MED12: variants seen among roughly 807,000 people sequenced by gnomAD.
The protein encoded by MED12 is mediator of RNA polymerase II transcription subunit 12.
In MED12, 10 loss-of-function variants were observed where a neutral mutation model predicts 177.7. That is an observed-to-expected ratio of 0.06 (90% CI 0.03 to 0.10). The LOEUF (loss-of-function observed/expected upper bound fraction) is 0.10, where lower values mean the gene tolerates loss of function less well. MED12 is among the 10% of genes least tolerant of loss of function. MED12 has a pLI of 1.00. For synonymous variants in MED12, 641 were observed against 678.4 expected (o/e 0.94, Z 0.86); for missense variants, 867 against 1,780.8 (o/e 0.49, Z 9.23).
intron 19 of MED12, 60 bp from the exon 20 acceptor site, chrX:71,126,909 G>A: frequency 8.8e-7 from 1 of 1,136,019 alleles, no homozygotes; most frequent in African/African-American, 1.8e-5. Flanking sequence ...CCACAGGAAG[G>A]TGGTTTCTAT....
intron 31 of MED12, 25 bp from the exon 32 acceptor site, chrX:71,132,820 C>CTTCTCTTCTCTTCTCTTCT: frequency 3.1e-6 from 3 of 972,833 alleles, no homozygotes; most frequent in Middle Eastern, 3.2e-4. Context: ...CTTCTCTTCT[C>CTTCTCTTCTCTTCTCTTCT]TTCTCTTCTT....
At chrX:71,127,193 G>GT in intron 20 of MED12, 61 bp downstream of exon 20, 1 of 1,160,859 alleles carries the variant, frequency 8.6e-7, no homozygotes, top group Non-Finnish European at 1.2e-6. Flanking sequence ...GAAGTGGCCT[G>GT]GGAAGAGCAT....
intron 19 of MED12, 151 bp downstream of exon 19, chrX:71,126,635 C>A: frequency 1.3e-6 from 1 of 752,164 alleles, no homozygotes; most frequent in Non-Finnish European, 2.0e-6. Context: ...GGAACATGAG[C>A]TAAGACTGCA....
chrX:71,141,792 A>G, intron 43 of MED12, 91 bp from the exon 44 acceptor site: 1 of 801,518 alleles, frequency 1.2e-6, no homozygotes, highest in South Asian at 2.2e-5. Context: ...ACAGAGCGAG[A>G]CTCCATCTCA....
chrX:71,132,366 C>T lies in MED12; in HGVS notation c.4254-11C>T. On this transcript the variant is annotated splice_polypyrimidine_tract_variant and intron_variant, in intron 30 of 44. Transcript: ENST00000374080. ...TCCCCTGTGACCCTGTGTCCTCTGTCTGTTCTCCAGCTCTCTAGAGCGCTC... is the reference window on the plus strand; with the variant it reads ...TCCCCTGTGACCCTGTGTCCTCTGTTTGTTCTCCAGCTCTCTAGAGCGCTC... 8.3e-7 allele frequency: 1 copy of T among 1,210,432 alleles called. No individual in the cohort carries two copies. The highest frequency in any genetic ancestry group is 1.1e-6 in the Non-Finnish European group (1 of 894,877).
chrX:71,135,720 A>G (rs2092330434), intron 36 of MED12, among the ~76,000 whole-genome samples: 1 of 111,455 alleles, frequency 9.0e-6, no homozygotes, highest in African/African-American at 3.3e-5. Context: ...TCATATATAC[A>G]TTCTCTTCAT....
rs767850812 is a variant in MED12, at chrX:71,136,582, C to T, written c.5327C>T (p.Pro1776Leu). 1 of 1,203,842 alleles carries T rather than the reference C, an allele frequency of 8.3e-7. No individual in the cohort carries two copies. The highest frequency in any genetic ancestry group is 1.8e-5 in the South Asian group (1 of 55,812). ...PPKTDKPGAA[P>L]PSTEERKKKS... ...AAAACTGACAAACCGGGGGCTGCTC[C>T]ACCCAGTACTGAGGAACGCAAGAAG... Residue 1776 changes from proline to leucine, a missense_variant, in exon 37 of 45, where the codon CCA (proline) becomes CTA (leucine). Pro to Leu is a moderately conservative substitution (Grantham distance 98, BLOSUM62 -3). This residue lies in a region of MED12 where 236 missense variants were observed against 345.2 expected (regional missense o/e 0.68). Coordinates refer to ENST00000374080, the MANE Select transcript of MED12 (RefSeq NM_005120.3).
intron 41 of MED12, among the ~76,000 whole-genome samples, chrX:71,139,854 G>A (rs937166512): frequency 2.8e-5 from 3 of 109,048 alleles, no homozygotes; most frequent in Admixed American, 9.8e-5. Flanking sequence ...AGCCGAGATC[G>A]CATCATTGCA....
In MED12 at chrX:71,124,179, G is replaced by A; in HGVS notation, c.1765G>A (p.Glu589Lys). The change falls in exon 13 of 45, where the codon GAG (glutamate) becomes AAG (lysine). Residue 589 changes from glutamate (E) to lysine (K), a missense_variant. Transcript: ENST00000374080. Reference sequence around the variant, plus strand: ...TCCAGCGGACCCTCGAAGTGAGAGTGAGCGGGTGGAATTCTTTAACTTAGT... The same window carrying A: ...TCCAGCGGACCCTCGAAGTGAGAGTAAGCGGGTGGAATTCTTTAACTTAGT... ...PMLTDPRSESERVEFFNLVLL... is the reference protein window; with the variant it reads ...PMLTDPRSESKRVEFFNLVLL... 8.3e-7 allele frequency: 1 copy of A among 1,210,589 alleles called. No individual in the cohort carries two copies. The highest frequency in any genetic ancestry group is 1.1e-6 in the Non-Finnish European group (1 of 894,522).
At chrX:71,132,249 T>A (rs1259106078) in intron 30 of MED12, 43 bp downstream of exon 30, 52 of 1,195,000 alleles carry the variant, frequency 4.4e-5, no homozygotes, top group Non-Finnish European at 5.8e-5. Flanking sequence ...TAGGAGTTTA[T>A]CTGCTGGTAG....
Position 71,134,863 on chromosome X carries a change from C to A in MED12, c.4863+15C>A. ...AGAAGTTGCAGGTAAGCAGAGGAAG[C>A]GGGGGCAAGGTTTGCGGTTACTGGA... is the stretch of plus-strand genomic sequence containing the variant. On this transcript the variant is annotated intron_variant, in intron 35 of 44. Coordinates refer to ENST00000374080, the MANE Select transcript of MED12 (RefSeq NM_005120.3). 1.7e-6 allele frequency: 2 copies of A among 1,210,730 alleles called. No homozygotes were observed. The highest frequency in any genetic ancestry group is 2.2e-6 in the Non-Finnish European group (2 of 895,237).
In MED12 at chrX:71,142,416, G is replaced by A; in HGVS notation, c.*198G>A. ...ATATTATTTATATAGAGACCCCAGAGCTGTTGCACCCAATACACAGAGCTT... is the reference window on the plus strand; with the variant it reads ...ATATTATTTATATAGAGACCCCAGAACTGTTGCACCCAATACACAGAGCTT... On this transcript the variant is annotated 3_prime_UTR_variant, in exon 45 of 45. Coordinates refer to ENST00000374080, the MANE Select transcript of MED12 (RefSeq NM_005120.3). 1 of 441,079 alleles carries A rather than the reference G, an allele frequency of 2.3e-6. No individual in the cohort carries two copies. The highest frequency in any genetic ancestry group is 3.9e-5 in the Admixed American group (1 of 25,870). The allele number at this position is 441,079 out of a possible 1,213,427, so 36.3% of individuals were successfully genotyped here.
Position 71,125,165 on chromosome X carries a change from T to C in MED12, c.2226+19T>C. On this transcript the variant is annotated intron_variant, in intron 15 of 44. Coordinates refer to ENST00000374080, the MANE Select transcript of MED12 (RefSeq NM_005120.3). ...CCCCCAGGTACTATTCCCCAGCACC[T>C]TGTGATGATCTGTTTTGAACCCAGA... is the stretch of plus-strand genomic sequence containing the variant. 1 of 1,209,060 alleles carries C rather than the reference T, an allele frequency of 8.3e-7. No individual in the cohort carries two copies. The highest frequency in any genetic ancestry group is 1.7e-5 in the African/African-American group (1 of 57,651).
In MED12 at chrX:71,132,919, A is replaced by T; in HGVS notation, c.4490A>T (p.Glu1497Val). Residue 1497 changes from glutamate to valine, a missense_variant, in exon 32 of 45, where the codon GAG (glutamate) becomes GTG (valine). Coordinates refer to ENST00000374080, the MANE Select transcript of MED12 (RefSeq NM_005120.3). ...TCLKGQDEQR[E>V]GLLTSLYSQV... The stretch of plus-strand genomic sequence containing the variant: ...CTGAAAGGGCAGGATGAACAACGCG[A>T]GGGACTCCTTACCTCCCTCTACAGC... The T allele has an allele frequency of 8.4e-7, 1 of 1,189,600 alleles. No individual in the cohort carries two copies.
At chrX:71,121,883 G>A in intron 7 of MED12, 67 bp downstream of exon 7, 1 of 1,188,474 alleles carries the variant, frequency 8.4e-7, no homozygotes, top group South Asian at 1.8e-5. Context: ...GCCCATCCCA[G>A]AGAATAGGGG....
At chrX:71,137,098 C>T (rs1208353676) in intron 38 of MED12, 69 bp downstream of exon 38, 15 of 1,187,112 alleles carry the variant, frequency 1.3e-5, no homozygotes, top group Non-Finnish European at 1.7e-5. Context: ...AGGATGATGC[C>T]ATTCCCCTGA....
chrX:71,126,146 A>G lies in MED12; in HGVS notation c.2533A>G (p.Thr845Ala). 3 of 1,202,615 alleles carry G rather than the reference A, an allele frequency of 2.5e-6. No individual in the cohort carries two copies. Among genetic ancestry groups the G allele is most frequent in the Non-Finnish European group, 3.4e-6 (3 of 886,949 alleles). The change falls in exon 18 of 45, where the codon ACG (threonine) becomes GCG (alanine). Residue 845 changes from threonine to alanine, a missense_variant. Transcript: ENST00000374080. The stretch of plus-strand genomic sequence containing the variant: ...TTCACATTATGACCAACACCAGGTC[A>G]CGGCTCAGGTGTGGGCCTAAGCCCA... ...HLSHYDQHQV[T>A]AQVSRNVLEQ...
In MED12 at chrX:71,126,391, A is replaced by T; in HGVS notation, c.2592A>T (p.Ser864=). ...EQITSFALGM[S]YHLPLVQHVQ... is the part of the protein sequence containing the mutation. The stretch of plus-strand genomic sequence containing the variant: ...TCACGAGCTTTGCCCTTGGCATGTC[A>T]TACCACTTGCCTCTGGTGCAGCATG... Residue 864 remains serine (S), a synonymous_variant, in exon 19 of 45, where the codon TCA becomes TCT. Transcript: ENST00000374080. The T allele has an allele frequency of 8.3e-7, 1 of 1,211,307 alleles. No individual in the cohort carries two copies. The highest frequency in any genetic ancestry group is 1.1e-6 in the Non-Finnish European group (1 of 894,855).
chrX:71,126,062 C>T lies in MED12; in HGVS notation c.2449C>T (p.Arg817Cys), dbSNP rs863223702. ...LGGEDGQKRR[R>C]NRPEAFPTAE... ...TGGGGAGGATGGGCAGAAGCGGCGA[C>T]GCAACCGGCCTGAAGCCTTCCCCAC... The change falls in exon 18 of 45, where the codon CGC becomes TGC. Residue 817 changes from arginine to cysteine, a missense_variant. Arg to Cys is a radical substitution (Grantham distance 180). Coordinates refer to ENST00000374080, the MANE Select transcript of MED12 (RefSeq NM_005120.3). The T allele has an allele frequency of 8.3e-7, 1 of 1,210,221 alleles. No homozygotes were observed. Among genetic ancestry groups the T allele is most frequent in the East Asian group, 3.0e-5 (1 of 33,783 alleles).
Sources: allele counts gnomAD v4.1 joint callset (sites outside exome capture counted in the v4.1 genomes callset), GRCh38; gene constraint gnomAD v4.1.1; regional missense constraint gnomAD v4.1.1; transcripts MANE v1.5; gene names NCBI Gene and HGNC (gene_info 2026-07-23, HGNC 2026-07-21).